CCDC30: variants seen among roughly 807,000 people sequenced by gnomAD.
CCDC30 encodes the protein coiled-coil domain containing 30.
In CCDC30, 70 loss-of-function variants were observed where a neutral mutation model predicts 100.2. The observed-to-expected ratio is 0.70, with a 90% CI of 0.58 to 0.85. The LOEUF is 0.85. Ranked by LOEUF, CCDC30 falls within the 40% of genes least tolerant of loss-of-function variation. The pLI is 0.00. For missense variants in CCDC30, 652 were observed against 771.2 expected, an observed-to-expected ratio of 0.85 and a Z score of 1.83; for synonymous variants, 233 against 269.5, an observed-to-expected ratio of 0.86 and a Z score of 1.33.
chr1:42,647,994 G>A (rs971058520), intron 15 of CCDC30, among the ~76,000 whole-genome samples: 28 of 152,194 alleles, frequency 1.8e-4, no homozygotes, highest in African/African-American at 6.5e-4. Context: ...AGGTTGGAGT[G>A]CAATGGCGCA....
chr1:42,484,017 G>A (rs1481908559), intron 3 of CCDC30, among the ~76,000 whole-genome samples: 2 of 151,298 alleles, frequency 1.3e-5, no homozygotes, highest in Non-Finnish European at 2.9e-5. Flanking sequence ...TTTTTAATCC[G>A]TGACTGATTC....
chr1:42,506,815 C>T (rs1644401461), intron 6 of CCDC30, among the ~76,000 whole-genome samples: 2 of 152,134 alleles, frequency 1.3e-5, no homozygotes, highest in South Asian at 4.1e-4. Context: ...TCTAGATTAC[C>T]ATAAATTATT....
chr1:42,473,794 A>G (rs1017888715), intron 1 of CCDC30, among the ~76,000 whole-genome samples: 1 of 152,204 alleles, frequency 6.6e-6, no homozygotes, highest in Non-Finnish European at 1.5e-5. Flanking sequence ...CAGGCACATT[A>G]TGTGGGAAGC....
exon 10 of CCDC30, chr1:42,589,369 C>T (rs1241122183): frequency 5.6e-6 from 9 of 1,613,324 alleles, no homozygotes; most frequent in Non-Finnish European, 7.6e-6. Flanking sequence ...AAGTGAGAAC[C>T]TTACAAGATA....
chr1:42,625,558 C>T (rs1409691091), intron 11 of CCDC30, among the ~76,000 whole-genome samples: 2 of 151,990 alleles, frequency 1.3e-5, no homozygotes, highest in Admixed American at 6.6e-5. Context: ...GTTGTGTTTC[C>T]ATTATCATTC....
upstream of CCDC30, among the ~76,000 whole-genome samples, chr1:42,462,425 T>C (rs1453219462): frequency 6.6e-6 from 1 of 152,134 alleles, no homozygotes; most frequent in Non-Finnish European, 1.5e-5. Flanking sequence ...AAAAAAACAC[T>C]TGCAAGAGGT....
intron 10 of CCDC30, among the ~76,000 whole-genome samples, chr1:42,610,185 T>C (rs1186055664): frequency 6.6e-6 from 1 of 152,214 alleles, no homozygotes; most frequent in Non-Finnish European, 1.5e-5. Context: ...TCCAAAGTAC[T>C]TCATTACCAG....
intron 6 of CCDC30, 48 bp downstream of exon 9, chr1:42,545,627 A>G (rs1645113271): frequency 1.3e-6 from 2 of 1,508,092 alleles, no homozygotes; most frequent in Non-Finnish European, 1.8e-6. Context: ...GAGAGGGTAT[A>G]TTTTATTTGG....
chr1:42,533,284 C>T (rs1003411457), intron 6 of CCDC30, among the ~76,000 whole-genome samples: 3 of 151,990 alleles, frequency 2.0e-5, no homozygotes, highest in Non-Finnish European at 2.9e-5. Flanking sequence ...GTGTTGATAA[C>T]GTCACTGGTG....
intron 6 of CCDC30, among the ~76,000 whole-genome samples, chr1:42,529,082 T>C (rs1644768371): frequency 6.6e-6 from 1 of 152,202 alleles, no homozygotes; most frequent in South Asian, 2.1e-4. Context: ...CTAATAATCC[T>C]TTCACTTACA....
intron 13 of CCDC30, among the ~76,000 whole-genome samples, chr1:42,643,754 C>T (rs1647643770): frequency 6.6e-6 from 1 of 152,124 alleles, no homozygotes; most frequent in African/African-American, 2.4e-5. Flanking sequence ...TGAGCTAATA[C>T]ATGAAAAGTT....
chr1:42,539,334 A>G, intron 6 of CCDC30, 24 bp downstream of exon 8: 1 of 1,570,210 alleles, frequency 6.4e-7, no homozygotes, highest in Non-Finnish European at 8.6e-7. Flanking sequence ...AGGTATTTAA[A>G]TGTTCAATAT....
intron 6 of CCDC30, among the ~76,000 whole-genome samples, chr1:42,549,806 G>T (rs973244987): frequency 3.3e-5 from 5 of 152,286 alleles, no homozygotes. Context: ...AGCTTATAGA[G>T]CCCAGCTGAT....
intron 13 of CCDC30, 84 bp from the exon 18 acceptor site, chr1:42,644,609 C>G: frequency 1.3e-6 from 1 of 771,342 alleles, no homozygotes; most frequent in Non-Finnish European, 2.2e-6. Flanking sequence ...AGATCCGGGG[C>G]CAGTGGGAAG....
intron 10 of CCDC30, among the ~76,000 whole-genome samples, chr1:42,608,513 A>T (rs942198745): frequency 9.2e-5 from 14 of 151,976 alleles, no homozygotes; most frequent in Non-Finnish European, 2.9e-5. Context: ...CACCCTGGCT[A>T]ACACCGTGAA....
chr1:42,467,960 T>C (rs868229132), intron 1 of CCDC30, among the ~76,000 whole-genome samples: 1 of 152,244 alleles, frequency 6.6e-6, no homozygotes. Flanking sequence ...AGTTTTTCTC[T>C]GTAGAGAAGC....
At chr1:42,625,269 C>T (rs1301169831) in intron 11 of CCDC30, among the ~76,000 whole-genome samples, 1 of 152,018 alleles carries the variant, frequency 6.6e-6, no homozygotes, top group African/African-American at 2.4e-5. Flanking sequence ...TGGATCTTCT[C>T]TTTTTCTTAG....
chr1:42,496,067 G>A (rs1465660725), intron 4 of CCDC30, among the ~76,000 whole-genome samples: 1 of 151,876 alleles, frequency 6.6e-6, no homozygotes, highest in Non-Finnish European at 1.5e-5. Flanking sequence ...AGTGAATAAG[G>A]CAAGTTGTAG....
chr1:42,578,093 C>T (rs1645881009), intron 8 of CCDC30, among the ~76,000 whole-genome samples: 1 of 152,066 alleles, frequency 6.6e-6, no homozygotes, highest in South Asian at 2.1e-4. Context: ...GATTGCCCGA[C>T]ACTAGGTGGC....
Sources: allele counts gnomAD v4.1 joint callset (sites outside exome capture counted in the v4.1 genomes callset), GRCh38; gene constraint gnomAD v4.1.1; transcripts MANE v1.5; gene names NCBI Gene and HGNC (gene_info 2026-07-23, HGNC 2026-07-21).